Variants in GALNT13 observed in about 807,000 individuals in gnomAD.
GALNT13 encodes polypeptide N-acetylgalactosaminyltransferase 13.
GALNT13 carries 28 observed loss-of-function variants against 64.2 expected under a neutral mutation model. The observed-to-expected ratio is 0.44, with a 90% CI of 0.32 to 0.60. The LOEUF (loss-of-function observed/expected upper bound fraction) is 0.60. Among genes scored for constraint, GALNT13 ranks in the 20% least tolerant of loss-of-function variants. The pLI is 0.05. For synonymous variants in GALNT13, 214 were observed against 224.6 expected, an observed-to-expected ratio of 0.95 and a Z score of 0.42; for missense variants, 577 against 669.8, an observed-to-expected ratio of 0.86 and a Z score of 1.53.
At chr2:154,266,653 C>G (rs1486853775) in intron 8 of GALNT13, among the ~76,000 whole-genome samples, 2 of 151,746 alleles carry the variant, frequency 1.3e-5, no homozygotes, top group Admixed American at 1.3e-4. Context: ...TTAGTAGACT[C>G]AATATGATAT....
the GALNT13 span, among the ~76,000 whole-genome samples, chr2:153,117,459 A>G: frequency 1.3e-5 from 2 of 152,178 alleles, no homozygotes; most frequent in African/African-American, 4.8e-5. Flanking sequence ...TATTAGAAAC[A>G]TGAAAGAGAA....
At chr2:153,829,972 T>G in the GALNT13 span, among the ~76,000 whole-genome samples, 1 of 152,304 alleles carries the variant, frequency 6.6e-6, no homozygotes, top group Admixed American at 6.5e-5. Flanking sequence ...TCTGAGTATA[T>G]ATTTCCTTTA....
At chr2:153,608,337 T>C in the GALNT13 span, among the ~76,000 whole-genome samples, 1 of 152,154 alleles carries the variant, frequency 6.6e-6, no homozygotes, top group Non-Finnish European at 1.5e-5. Flanking sequence ...AGCTTTTCTC[T>C]CTTATATCCC....
chr2:153,446,897 T>C, the GALNT13 span: 1 of 152,202 alleles, frequency 6.6e-6, no homozygotes, highest in African/African-American at 2.4e-5. Flanking sequence ...ATTTTAAATG[T>C]AATAATGCAG....
chr2:153,888,832 AATT>A (rs1687358296), intron 1 of GALNT13, among the ~76,000 whole-genome samples: 1 of 151,966 alleles, frequency 6.6e-6, no homozygotes, highest in Non-Finnish European at 1.5e-5. Context: ...CACCAATTAT[AATT>A]ATTTTATTTA....
chr2:154,248,251 C>T (rs1689886088), intron 7 of GALNT13, among the ~76,000 whole-genome samples: 1 of 152,062 alleles, frequency 6.6e-6, no homozygotes, highest in Admixed American at 6.6e-5. Context: ...AGTTATACTA[C>T]ATCTAAAGTA....
At chr2:153,288,778 A>AG in the GALNT13 span, among the ~76,000 whole-genome samples, 22 of 152,346 alleles carry the variant, frequency 1.4e-4, no homozygotes, top group Non-Finnish European at 3.1e-4. Flanking sequence ...ATAGAAAAAA[A>AG]CTTAGTAAAT....
the GALNT13 span, among the ~76,000 whole-genome samples, chr2:153,126,520 A>G: frequency 1.3e-5 from 2 of 152,094 alleles, no homozygotes; most frequent in African/African-American, 4.8e-5. Flanking sequence ...TCACAGTGAT[A>G]GAGTGTGGCC....
chr2:154,000,637 G>T (rs1456690454), intron 3 of GALNT13, among the ~76,000 whole-genome samples: 1 of 151,872 alleles, frequency 6.6e-6, no homozygotes, highest in East Asian at 1.9e-4. Flanking sequence ...TTATTCTACT[G>T]TCGTGAGAAA....
the GALNT13 span, among the ~76,000 whole-genome samples, chr2:153,324,574 G>C: frequency 4.7e-5 from 7 of 150,146 alleles, no homozygotes; most frequent in Non-Finnish European, 1.0e-4. Flanking sequence ...TCTTTTGCCG[G>C]TGCTTCTGGC....
At chr2:153,955,851 T>C (rs1373385246) in intron 3 of GALNT13, among the ~76,000 whole-genome samples, 2 of 152,120 alleles carry the variant, frequency 1.3e-5, no homozygotes, top group African/African-American at 2.4e-5. Flanking sequence ...CTGACTACAA[T>C]TCCCCTGACT....
chr2:154,298,314 C>T lies in GALNT13; in HGVS notation c.976-3095C>T, dbSNP rs532218127. Among the ~76,000 whole-genome samples the T allele has an allele frequency of 7.5e-5, 11 of 147,266 alleles. No homozygotes were observed. The South Asian group carries it at 1.9e-3, about 26-fold the overall frequency. On this transcript the variant is annotated intron_variant, in intron 8 of 12. Coordinates refer to ENST00000392825, the MANE Select transcript of GALNT13 (RefSeq NM_052917.4). ...AGTATTTTTTACAGTAGGTCAAAAACGAATGTAAATTGAGGAAGGGAAAGA... is the reference window on the plus strand; with the variant it reads ...AGTATTTTTTACAGTAGGTCAAAAATGAATGTAAATTGAGGAAGGGAAAGA...
At position 154,041,674 on chromosome 2, in the gene GALNT13, T is replaced by C. The variant is rs2105327791; in HGVS notation, c.142+97035T>C. 2.1e-5 allele frequency among the ~76,000 whole-genome samples: 3 copies of C among 141,098 alleles called. 1 individual carries two copies. Among genetic ancestry groups the C allele is most frequent in the Non-Finnish European group, 1.6e-5 (1 of 61,370 alleles). The allele number at this position is 141,098 out of a possible 152,430, so 92.6% of individuals were successfully genotyped here. On this transcript the variant is annotated intron_variant, in intron 3 of 12. Transcript: ENST00000392825. ...ATGTTTAAACAGACAAAAGAATTTA[T>C]ATAGATACCATAGACATTTTCTGTA...
chr2:153,401,849 C>T, the GALNT13 span, among the ~76,000 whole-genome samples: 7 of 152,196 alleles, frequency 4.6e-5, no homozygotes, highest in Non-Finnish European at 8.8e-5. Flanking sequence ...TTCCTGAATA[C>T]AGCACACTGA....
chr2:153,245,103 A>C, the GALNT13 span, among the ~76,000 whole-genome samples: 3 of 152,238 alleles, frequency 2.0e-5, no homozygotes, highest in Non-Finnish European at 4.4e-5. Flanking sequence ...CTCTGAAGGA[A>C]ATGCAGCAGC....
chr2:153,747,190 C>T, the GALNT13 span, among the ~76,000 whole-genome samples: 3 of 152,122 alleles, frequency 2.0e-5, no homozygotes, highest in South Asian at 4.2e-4. Context: ...CTGCTCAAGA[C>T]TTTATCCTTT....
intron 2 of GALNT13, among the ~76,000 whole-genome samples, chr2:153,902,127 T>A (rs992651383): frequency 2.6e-5 from 4 of 152,174 alleles, no homozygotes; most frequent in African/African-American, 9.6e-5. Flanking sequence ...CTGTACACTT[T>A]ATTTCTTGAA....
chr2:153,474,341 C>T, the GALNT13 span, among the ~76,000 whole-genome samples: 2 of 152,074 alleles, frequency 1.3e-5, no homozygotes, highest in Non-Finnish European at 2.9e-5. Flanking sequence ...AAAATCTCAG[C>T]CCAGTGTGTC....
intron 9 of GALNT13, among the ~76,000 whole-genome samples, chr2:154,379,231 A>G (rs1315775202): frequency 2.6e-5 from 4 of 152,154 alleles, no homozygotes; most frequent in Non-Finnish European, 5.9e-5. Context: ...GACATATCAT[A>G]TTGACTAAGG....
Sources: gnomAD v4.1 joint callset for allele counts (sites outside exome capture counted in the v4.1 genomes callset) on GRCh38, gnomAD v4.1.1 for gene constraint, MANE v1.5 for transcripts, NCBI Gene and HGNC (gene_info 2026-07-23, HGNC 2026-07-21) for gene names.